The following USP36 variants were observed in gnomAD, a reference collection of about 807,000 sequenced individuals.
USP36 encodes ubiquitin carboxyl-terminal hydrolase 36.
Under a neutral mutation model 111.5 loss-of-function variants are expected in USP36, and 59 were observed. The ratio of observed to expected loss-of-function variants is 0.53; its 90% CI spans 0.43 to 0.66. The LOEUF is 0.66. USP36 is among the 30% of genes least tolerant of loss of function. The pLI is 0.00. For missense variants in USP36, 1,488 were observed against 1,468.0 expected (o/e 1.01, Z -0.22); for synonymous variants, 628 against 581.0 (o/e 1.08, Z -1.16).
At chr17:78,833,512 G>C (rs1202614355) in intron 4 of USP36, among the ~76,000 whole-genome samples, 2 of 152,098 alleles carry the variant, frequency 1.3e-5, no homozygotes, top group Non-Finnish European at 2.9e-5. Flanking sequence ...GACTCACTCA[G>C]AATTTATCGG....
At chr17:78,827,114 T>G (rs1418487397) in intron 6 of USP36, 131 bp downstream of exon 6, 14 of 1,047,558 alleles carry the variant, frequency 1.3e-5, no homozygotes, top group Non-Finnish European at 1.3e-5. Context: ...CAGAGGCAAA[T>G]TCTGCCACGT....
chr17:78,822,099 C>T (rs1014297955), intron 6 of USP36, 95 bp from the exon 7 acceptor site: 6 of 1,445,570 alleles, frequency 4.2e-6, no homozygotes, highest in Non-Finnish European at 5.8e-6. Flanking sequence ...CAGTCACAAG[C>T]TCAGCGTGAG....
chr17:78,836,052 C>A (rs912810726), intron 3 of USP36, 59 bp downstream of exon 3: 7 of 1,588,496 alleles, frequency 4.4e-6, no homozygotes, highest in South Asian at 1.1e-5. Flanking sequence ...ATATTTAAGT[C>A]CATCCACTTC....
chr17:78,810,430 G>C (rs1391344817), intron 13 of USP36, among the ~76,000 whole-genome samples: 3 of 152,156 alleles, frequency 2.0e-5, no homozygotes, highest in East Asian at 1.9e-4. Flanking sequence ...TGGGAATACA[G>C]GCACGTGCCA....
intron 10 of USP36, among the ~76,000 whole-genome samples, chr17:78,818,176 G>A (rs532851186): frequency 1.3e-5 from 2 of 152,236 alleles, no homozygotes; most frequent in East Asian, 1.9e-4. Context: ...AGCATGCAAC[G>A]GCACCTGTTC....
At chr17:78,811,473 T>C (rs543563444) in intron 13 of USP36, among the ~76,000 whole-genome samples, 3 of 152,344 alleles carry the variant, frequency 2.0e-5, no homozygotes, top group South Asian at 4.1e-4. Flanking sequence ...AATATGTCCA[T>C]GTGTATTTCC....
intron 4 of USP36, among the ~76,000 whole-genome samples, chr17:78,832,520 G>A (rs746305768): frequency 3.1e-4 from 47 of 152,262 alleles, no homozygotes; most frequent in Admixed American, 8.5e-4. Flanking sequence ...GATGGCCATG[G>A]CTGCCTTACT....
chr17:78,822,991 T>C (rs868813719), intron 6 of USP36: 4 of 396,934 alleles, frequency 1.0e-5, no homozygotes, highest in Middle Eastern at 6.3e-4. Flanking sequence ...AGCGGGGCTG[T>C]TTCCAGGGCT....
chr17:78,799,882 T>C, intron 17 of USP36, 114 bp from the exon 18 acceptor site: 1 of 446,148 alleles, frequency 2.2e-6, no homozygotes, highest in Non-Finnish European at 3.4e-6. Flanking sequence ...CTTGCCTTTT[T>C]TTTTTTTTTT....
In USP36 at chr17:78,836,325, G is replaced by C; in HGVS notation, c.39C>G (p.Pro13=). The change falls in exon 3 of 21, where the codon CCC becomes CCG. Residue 13 remains proline, a synonymous_variant. Transcript: ENST00000449938. ...IVDKLKEALK[P]GRKDSADDGE... ...CATCATCAGCCGAGTCCTTGCGGCC[G>C]GGTTTCAGGGCCTCCTTCAACTTAT... The C allele has an allele frequency of 3.1e-6, 5 of 1,614,096 alleles. No homozygotes were observed. The highest frequency in any genetic ancestry group is 4.2e-6 in the Non-Finnish European group (5 of 1,180,022).
chr17:78,819,028 C>T, intron 9 of USP36: 1 of 325,316 alleles, frequency 3.1e-6, no homozygotes, highest in East Asian at 6.4e-5. Context: ...ACTGTACCCA[C>T]CAGGAAACTA....
At chr17:78,821,274 AG>A (rs997440134) in intron 7 of USP36, 15 of 499,132 alleles carry the variant, frequency 3.0e-5, no homozygotes, top group African/African-American at 2.7e-4. Flanking sequence ...TTGCACTCAC[AG>A]GGCCCTCCCT....
chr17:78,821,407 TATATA>T (rs1567952539), intron 7 of USP36: 2 of 62,246 alleles, frequency 3.2e-5, no homozygotes, highest in African/African-American at 1.7e-4. Context: ...TATATATATA[TATATA>T]TATATATATT....
chr17:78,821,776 C>T (rs8069830), intron 7 of USP36, among the ~76,000 whole-genome samples, 161 bp downstream of exon 7: 10,035 of 152,056 alleles, frequency 0.066, 637 homozygotes, highest in African/African-American at 0.16. Context: ...AGTGGCCAGG[C>T]GGGCCAAGAG....
chr17:78,804,189 C>T (rs532906330), intron 15 of USP36, among the ~76,000 whole-genome samples: 2 of 152,264 alleles, frequency 1.3e-5, no homozygotes, highest in South Asian at 4.1e-4. Flanking sequence ...TGGCCAGGTA[C>T]AGTGGCTCAT....
chr17:78,806,917 C>T, intron 14 of USP36, 42 bp downstream of exon 14: 1 of 1,594,854 alleles, frequency 6.3e-7, no homozygotes, highest in African/African-American at 1.3e-5. Context: ...ACTCTTGGAG[C>T]TCTCCTGATA....
chr17:78,819,547 G>C (rs918908602), intron 9 of USP36, among the ~76,000 whole-genome samples: 2 of 152,248 alleles, frequency 1.3e-5, no homozygotes, highest in African/African-American at 4.8e-5. Flanking sequence ...ACAGTCCCTG[G>C]GGCGGCCGCC....
chr17:78,815,937 TAC>T (rs1270819683), intron 10 of USP36, among the ~76,000 whole-genome samples: 2 of 151,772 alleles, frequency 1.3e-5, no homozygotes, highest in African/African-American at 4.8e-5. Context: ...CACACACATA[TAC>T]ACACATGCAT....
At chr17:78,839,420 A>G (rs2069026530) in intron 1 of USP36, among the ~76,000 whole-genome samples, 1 of 152,212 alleles carries the variant, frequency 6.6e-6, no homozygotes, top group African/African-American at 2.4e-5. Context: ...TAAGGAAATG[A>G]TCTCAGAATA....
Sources: allele counts gnomAD v4.1 joint callset (sites outside exome capture counted in the v4.1 genomes callset), GRCh38; gene constraint gnomAD v4.1.1; transcripts MANE v1.5; gene names NCBI Gene and HGNC (gene_info 2026-07-23, HGNC 2026-07-21).